ENDOV: variants seen among roughly 807,000 people sequenced by gnomAD.
ENDOV encodes hEndoV.
Under a neutral mutation model 39.4 loss-of-function variants are expected in ENDOV, and 37 were observed. The ratio of observed to expected loss-of-function variants is 0.94; its 90% CI spans 0.72 to 1.23. The LOEUF (loss-of-function observed/expected upper bound fraction) is 1.23, where lower values mean the gene tolerates loss of function less well. Ranked by LOEUF, ENDOV falls within the 50% of genes most tolerant of loss-of-function variation. ENDOV has a pLI of 0.00. For missense variants in ENDOV, 441 were observed against 375.7 expected (o/e 1.17, Z -1.44); for synonymous variants, 186 against 163.4 (o/e 1.14, Z -1.05).
intron 7 of ENDOV, among the ~76,000 whole-genome samples, chr17:80,428,064 C>T (rs374507298): frequency 8.5e-5 from 13 of 152,366 alleles, no homozygotes; most frequent in East Asian, 7.7e-4. Flanking sequence ...AGTGTCCCTC[C>T]CTGCTAGGGT....
At chr17:80,425,368 C>T (rs2082566187) in intron 6 of ENDOV, 124 bp from the exon 7 acceptor site, 1 of 1,386,386 alleles carries the variant, frequency 7.2e-7, no homozygotes, top group Non-Finnish European at 9.6e-7. Flanking sequence ...CCCCTGAGAG[C>T]ACTGCCCCTT....
In ENDOV at chr17:80,415,221, G is replaced by T. The variant is rs778861906; in HGVS notation, c.27G>T (p.Pro9=). 31 of 1,613,232 alleles carry T rather than the reference G, an allele frequency of 1.9e-5. No individual in the cohort carries two copies. The highest frequency in any genetic ancestry group is 1.9e-5 in the Non-Finnish European group (23 of 1,179,714). The change falls in exon 1 of 10, where the codon CCG becomes CCT. Residue 9 remains proline, a synonymous_variant. Transcript: ENST00000518137. ...TGGCCCTGGAGGCGGCGGGAGGGCC[G>T]CCGGAGGAAACGCTGTCACTGTGGA... The part of the protein sequence containing the change: MALEAAGG[P]PEETLSLWKR...
intron 7 of ENDOV, among the ~76,000 whole-genome samples, chr17:80,428,162 G>A (rs1004109614): frequency 5.3e-5 from 8 of 152,214 alleles, no homozygotes; most frequent in African/African-American, 1.7e-4. Flanking sequence ...ATCTAGTCAG[G>A]GAGAGGACAG....
chr17:80,421,890 C>T lies in ENDOV; in HGVS notation c.291C>T (p.Ala97=), dbSNP rs924633332. Residue 97 remains alanine, a synonymous_variant, in exon 3 of 10, where the codon GCC becomes GCT. Coordinates refer to ENST00000518137, the MANE Select transcript of ENDOV (RefSeq NM_173627.5). The part of the protein sequence containing the change: ...LTAPYVSGFL[A]FREVPFLLEL... Reference sequence around the variant, plus strand: ...CCCCCTACGTGTCGGGCTTCCTGGCCTTCCGAGAGGTGCCCTTCTTGCTGG... The same window carrying T: ...CCCCCTACGTGTCGGGCTTCCTGGCTTTCCGAGAGGTGCCCTTCTTGCTGG... 4 of 1,609,644 alleles carry T rather than the reference C, an allele frequency of 2.5e-6. No homozygotes were observed. Among genetic ancestry groups the T allele is most frequent in the Non-Finnish European group, 3.4e-6 (4 of 1,178,646 alleles).
chr17:80,415,966 G>A (rs796848629), intron 2 of ENDOV, 145 bp downstream of exon 2: 12 of 1,041,568 alleles, frequency 1.2e-5, no homozygotes, highest in Non-Finnish European at 1.5e-5. Context: ...GGCCGGGCGC[G>A]GTGGCTCACG....
chr17:80,429,892 C>T (rs1253094818), intron 9 of ENDOV, 61 bp downstream of exon 9: 1 of 1,612,108 alleles, frequency 6.2e-7, no homozygotes, highest in Admixed American at 1.7e-5. Flanking sequence ...AGGCCAGGCT[C>T]CCAGGAGCAG....
rs41303572 is a variant in ENDOV, at chr17:80,437,545, G to A, written c.*1402G>A. 5,536 of 152,656 alleles carry A rather than the reference G, an allele frequency of 0.036. 126 individuals carry two copies. Among genetic ancestry groups the A allele is most frequent in the African/African-American group, 0.053 (2,186 of 41,558 alleles). The allele number at this position is 152,656 out of a possible 1,614,324, so 9.5% of individuals were successfully genotyped here. A position where few individuals can be genotyped will look rare whatever the true frequency, so the allele number is the denominator to read the frequency against. On this transcript the variant is annotated 3_prime_UTR_variant, in exon 10 of 10. Transcript: ENST00000518137. Reference sequence around the variant, plus strand: ...GAAATGAAAGCGGCACCTGTAGTCCGTTTGGGGTGCAGGTGTGTGCCAGGG... The same window carrying A: ...GAAATGAAAGCGGCACCTGTAGTCCATTTGGGGTGCAGGTGTGTGCCAGGG...
At chr17:80,431,173 C>T (rs533289448) in intron 9 of ENDOV, among the ~76,000 whole-genome samples, 2 of 152,308 alleles carry the variant, frequency 1.3e-5, no homozygotes, top group South Asian at 2.1e-4. Flanking sequence ...GTCTCTGGCG[C>T]GCCTCCATGC....
intron 7 of ENDOV, 145 bp downstream of exon 7, chr17:80,425,765 A>G (rs2082621189): frequency 7.6e-6 from 10 of 1,311,720 alleles, no homozygotes; most frequent in Admixed American, 2.5e-5. Flanking sequence ...GGTCACAGAC[A>G]TCTTGCTGGA....
At chr17:80,415,478 G>T (rs1568198473) in intron 1 of ENDOV, 172 bp from the exon 2 acceptor site, 2 of 1,042,276 alleles carry the variant, frequency 1.9e-6, no homozygotes, top group Non-Finnish European at 2.7e-6. Flanking sequence ...CGCTTGCGCG[G>T]GTCTCCGCCG....
chr17:80,415,491 T>C (rs1374874319), intron 1 of ENDOV, 159 bp from the exon 2 acceptor site: 5 of 1,107,024 alleles, frequency 4.5e-6, no homozygotes, highest in Non-Finnish European at 5.1e-6. Flanking sequence ...CTCCGCCGCC[T>C]GGGCTCCTAG....
chr17:80,415,536 C>G, intron 1 of ENDOV, 114 bp from the exon 2 acceptor site: 1 of 1,353,258 alleles, frequency 7.4e-7, no homozygotes, highest in South Asian at 1.4e-5. Flanking sequence ...CCTTGCTTTC[C>G]CTTGAAGCGG....
At chr17:80,420,636 G>A (rs941949166) in intron 2 of ENDOV, 1 of 152,250 alleles carries the variant, frequency 6.6e-6, no homozygotes, top group African/African-American at 2.4e-5. Flanking sequence ...AAAACTGCAG[G>A]AAGGTAGACA....
Position 80,422,198 on chromosome 17 carries a change from C to T in ENDOV, c.364-8C>T, listed in dbSNP as rs1382358653. 6.2e-7 allele frequency: 1 copy of T among 1,613,566 alleles called. No homozygotes were observed. Among genetic ancestry groups the T allele is most frequent in the Admixed American group, 1.7e-5 (1 of 59,994 alleles). On this transcript the variant is annotated splice_polypyrimidine_tract_variant and splice_region_variant and intron_variant, in intron 3 of 9. Coordinates refer to ENST00000518137, the MANE Select transcript of ENDOV (RefSeq NM_173627.5). ...CAGCTGACTGTGACTCTCCCTGTGG[C>T]TCCATAGGTCCTTCTTGTGGATGGA...
At chr17:80,420,835 G>T (rs1374270874) in intron 2 of ENDOV, among the ~76,000 whole-genome samples, 1 of 152,164 alleles carries the variant, frequency 6.6e-6, no homozygotes, top group Non-Finnish European at 1.5e-5. Context: ...GCGCCACCAC[G>T]CCCAGATAAT....
At chr17:80,426,198 CACAG>C (rs1248798078) in intron 7 of ENDOV, among the ~76,000 whole-genome samples, 5 of 152,214 alleles carry the variant, frequency 3.3e-5, no homozygotes, top group South Asian at 4.1e-4. Context: ...ACGAGATGCC[CACAG>C]ACAGCCTCGA....
At chr17:80,424,231 T>C (rs41299820) in intron 5 of ENDOV, 19,694 of 399,276 alleles carry the variant, frequency 0.049, 692 homozygotes, top group East Asian at 0.15. Flanking sequence ...TCATTCCTCC[T>C]AGCTCTCAGG....
In ENDOV at chr17:80,422,035, G is replaced by A. The variant is rs546482146; in HGVS notation, c.363+73G>A. ...GGGGGAGGGAAGGCTGCTGCAGGTC[G>A]CCACCACCACAGTGGCAGGGAGAGA... On this transcript the variant is annotated intron_variant, in intron 3 of 9. Coordinates refer to ENST00000518137, the MANE Select transcript of ENDOV (RefSeq NM_173627.5). 5.5e-4 allele frequency: 866 copies of A among 1,579,356 alleles called. 2 individuals are homozygous for A. Among genetic ancestry groups the A allele is most frequent in the East Asian group, 7.7e-4 (34 of 43,968 alleles).
intron 7 of ENDOV, 127 bp downstream of exon 7, chr17:80,425,747 C>T (rs757091592): frequency 4.5e-4 from 628 of 1,402,092 alleles, no homozygotes; most frequent in Middle Eastern, 2.0e-3. Context: ...GTTCCTGGGC[C>T]GAGGACAGGT....
Sources: allele counts gnomAD v4.1 joint callset (sites outside exome capture counted in the v4.1 genomes callset), GRCh38; gene constraint gnomAD v4.1.1; transcripts MANE v1.5; gene names NCBI Gene and HGNC (gene_info 2026-07-23, HGNC 2026-07-21).